Variants in TMTC2 observed in about 807,000 individuals in gnomAD.
The protein encoded by TMTC2 is protein O-mannosyl-transferase TMTC2.
A neutral mutation model predicts 82.4 loss-of-function variants in TMTC2; 43 were observed. The ratio of observed to expected loss-of-function variants is 0.52; its 90% CI spans 0.41 to 0.67. TMTC2 has a LOEUF of 0.67. Among genes scored for constraint, TMTC2 ranks in the 30% least tolerant of loss-of-function variants. The pLI, the probability that TMTC2 is intolerant of heterozygous loss-of-function variation, is 0.00. For missense variants in TMTC2, 919 were observed against 1,012.4 expected (o/e 0.91, Z 1.25); for synonymous variants, 408 against 381.9 (o/e 1.07, Z -0.80).
chr12:82,781,742 T>A (rs1368146112), intron 1 of TMTC2, among the ~76,000 whole-genome samples: 4 of 150,202 alleles, frequency 2.7e-5, no homozygotes, highest in Non-Finnish European at 5.9e-5. Context: ...AAAGGCGGCT[T>A]AGAGGTTTTA....
chr12:83,100,798 G>A (rs1194434693), intron 11 of TMTC2, among the ~76,000 whole-genome samples: 2 of 152,076 alleles, frequency 1.3e-5, no homozygotes, highest in Admixed American at 6.5e-5. Flanking sequence ...TAAAAAAACT[G>A]AGCTGGATTA....
intron 8 of TMTC2, among the ~76,000 whole-genome samples, chr12:82,997,268 T>A (rs975349792): frequency 2.2e-5 from 3 of 137,194 alleles, no homozygotes; most frequent in Non-Finnish European, 4.7e-5. Flanking sequence ...TATATTTATA[T>A]AGGTGTATAT....
At chr12:82,701,954 C>G (rs1873104986) in intron 1 of TMTC2, among the ~76,000 whole-genome samples, 1 of 152,100 alleles carries the variant, frequency 6.6e-6, no homozygotes, top group Non-Finnish European at 1.5e-5. Context: ...AAAACCTAAA[C>G]ATGCTGAAGG....
At chr12:82,997,439 G>C (rs1453306412) in intron 8 of TMTC2, among the ~76,000 whole-genome samples, 1 of 74,230 alleles carries the variant, frequency 1.3e-5, no homozygotes, top group Non-Finnish European at 2.9e-5. Context: ...CACACAGAGA[G>C]AGAGAACTAT....
chr12:83,041,924 A>G (rs1239836991), intron 9 of TMTC2, among the ~76,000 whole-genome samples: 1 of 152,202 alleles, frequency 6.6e-6, no homozygotes, highest in East Asian at 1.9e-4. Flanking sequence ...GATAAATTGA[A>G]TACACACACA....
chr12:83,081,677 A>C (rs944909100), intron 11 of TMTC2, among the ~76,000 whole-genome samples: 1 of 152,194 alleles, frequency 6.6e-6, no homozygotes, highest in African/African-American at 2.4e-5. Context: ...CCCTACATAT[A>C]GATAAAGCAA....
chr12:83,001,675 T>G (rs1389442457), intron 8 of TMTC2, among the ~76,000 whole-genome samples: 1 of 151,446 alleles, frequency 6.6e-6, no homozygotes, highest in African/African-American at 2.4e-5. Context: ...AAGTAATGTC[T>G]TCCACCAGAT....
chr12:82,824,960 G>A (rs775764823), intron 1 of TMTC2, among the ~76,000 whole-genome samples: 2 of 151,964 alleles, frequency 1.3e-5, no homozygotes, highest in Admixed American at 1.3e-4. Flanking sequence ...GTGGTGGCGC[G>A]TGCCTGTTAT....
chr12:82,997,221 C>CTCTCTCTATATA (rs1451262969), intron 8 of TMTC2, among the ~76,000 whole-genome samples: 1 of 118,512 alleles, frequency 8.4e-6, no homozygotes, highest in African/African-American at 3.7e-5. Flanking sequence ...CTCTCTCTCT[C>CTCTCTCTATATA]TATATATATA....
intron 4 of TMTC2, among the ~76,000 whole-genome samples, chr12:82,949,031 T>C (rs1170231303): frequency 6.6e-6 from 1 of 152,210 alleles, no homozygotes; most frequent in Non-Finnish European, 1.5e-5. Flanking sequence ...TCCATAATGG[T>C]ACTTTCAAAA....
chr12:82,747,676 C>T, intron 1 of TMTC2, among the ~76,000 whole-genome samples: 1 of 152,142 alleles, frequency 6.6e-6, no homozygotes, highest in East Asian at 1.9e-4. Flanking sequence ...AGTATTGTTC[C>T]TTCTAACAAT....
chr12:83,107,239 ATACAG>A (rs1884437641), intron 11 of TMTC2, among the ~76,000 whole-genome samples: 1 of 152,254 alleles, frequency 6.6e-6, no homozygotes, highest in South Asian at 2.1e-4. Flanking sequence ...TATCTAACTC[ATACAG>A]TAACATATGC....
chr12:82,730,026 T>G (rs1874695914), intron 1 of TMTC2, among the ~76,000 whole-genome samples: 1 of 151,844 alleles, frequency 6.6e-6, no homozygotes, highest in Admixed American at 6.6e-5. Context: ...AGGAGGAAGC[T>G]CCGAACATAT....
At chr12:83,114,275 A>G (rs1884687320) in intron 11 of TMTC2, among the ~76,000 whole-genome samples, 1 of 151,962 alleles carries the variant, frequency 6.6e-6, no homozygotes, top group South Asian at 2.1e-4. Context: ...AAAAAATAGT[A>G]AGAGGAAACA....
chr12:82,958,564 A>G (rs553826897), intron 4 of TMTC2, among the ~76,000 whole-genome samples: 6 of 152,102 alleles, frequency 3.9e-5, no homozygotes, highest in Non-Finnish European at 5.9e-5. Flanking sequence ...CCACATAAGT[A>G]AAATTAAAAA....
At chr12:82,696,991 T>TATATATATATATATATATATA (rs1555177402) in intron 1 of TMTC2, among the ~76,000 whole-genome samples, 2 of 150,890 alleles carry the variant, frequency 1.3e-5, no homozygotes, top group East Asian at 2.0e-4. Context: ...TATGTTTCTA[T>TATATATATATATATATATATA]TAATAGATCA....
intron 8 of TMTC2, among the ~76,000 whole-genome samples, chr12:82,996,200 G>A (rs1310273331): frequency 3.3e-5 from 5 of 152,172 alleles, no homozygotes; most frequent in Non-Finnish European, 7.4e-5. Context: ...TGACAGTGGA[G>A]TTTACAGCTG....
chr12:82,727,370 G>T (rs187318401), intron 1 of TMTC2, among the ~76,000 whole-genome samples: 1 of 152,140 alleles, frequency 6.6e-6, no homozygotes, highest in East Asian at 1.9e-4. Context: ...TGGTGAGACT[G>T]AATCTTTTCC....
intron 4 of TMTC2, among the ~76,000 whole-genome samples, chr12:82,961,617 C>T (rs1164844976): frequency 6.6e-6 from 1 of 152,010 alleles, no homozygotes; most frequent in Non-Finnish European, 1.5e-5. Context: ...CTGAGCCTCT[C>T]TTTTTCCCTT....
Sources: allele counts gnomAD v4.1 joint callset (sites outside exome capture counted in the v4.1 genomes callset), GRCh38; gene constraint gnomAD v4.1.1; transcripts MANE v1.5; gene names NCBI Gene and HGNC (gene_info 2026-07-23, HGNC 2026-07-21).